Variants in ABCG8 observed in about 807,000 individuals in gnomAD.
ABCG8 encodes the protein ATP binding cassette subfamily G member 8.
Under a neutral mutation model 71.3 loss-of-function variants are expected in ABCG8, and 81 were observed. The observed-to-expected ratio is 1.14, with a 90% CI of 0.95 to 1.37. The LOEUF is 1.37. Among genes scored for constraint, ABCG8 ranks in the 40% most tolerant of loss-of-function variants. The pLI is 0.00. For synonymous variants in ABCG8, 451 were observed against 354.7 expected (o/e 1.27, Z -3.05); for missense variants, 1,119 against 866.2 (o/e 1.29, Z -3.66).
intron 10 of ABCG8, 100 bp downstream of exon 10, chr2:43,874,583 G>T: frequency 1.0e-6 from 1 of 981,700 alleles, no homozygotes; most frequent in Non-Finnish European, 1.7e-6. Context: ...GAACCATGGG[G>T]CCGTGGGTCA....
intron 3 of ABCG8, among the ~76,000 whole-genome samples, chr2:43,849,742 T>G (rs1022919865): frequency 1.3e-5 from 2 of 152,188 alleles, no homozygotes; most frequent in African/African-American, 4.8e-5. Flanking sequence ...GCTCTGAAGC[T>G]TCTCTCCCAG....
At position 43,882,336 on chromosome 2, in the gene ABCG8, A is replaced by G. The variant is rs1670155015; in HGVS notation, c.*4423A>G. The G allele has an allele frequency of 6.6e-6, 1 of 152,228 alleles. No individual in the cohort carries two copies. The highest frequency in any genetic ancestry group is 2.1e-4 in the South Asian group (1 of 4,832). 9.4% of individuals were successfully genotyped at this position (152,228 alleles called of 1,614,324 possible). On this transcript the variant is annotated 3_prime_UTR_variant, in exon 13 of 13. Transcript: ENST00000272286. ...TCAAATCTGTCAAATCCAAGTGTTA[A>G]CAGACCTGGGACCAGGGGTTCCTCA...
At position 43,881,894 on chromosome 2, in the gene ABCG8, ATTAC is replaced by A. The variant is rs1021621290; in HGVS notation, c.*3985_*3988del. 2.6e-5 allele frequency: 4 copies of A among 152,158 alleles called. No homozygotes were observed. Among genetic ancestry groups the A allele is most frequent in the Non-Finnish European group, 5.9e-5 (4 of 68,026 alleles). The allele number at this position is 152,158 out of a possible 1,614,324, so 9.4% of individuals were successfully genotyped here. A position where few individuals can be genotyped will look rare whatever the true frequency, so the allele number is the denominator to read the frequency against. On this transcript the variant is annotated 3_prime_UTR_variant, in exon 13 of 13. Transcript: ENST00000272286. The stretch of plus-strand genomic sequence containing the variant: ...CGTGGGCCTTATAGGCTCTGCTGCA[ATTAC>A]TTAACTCTGCTGTTACAGTGTGAGA...
rs369164911 is a variant in ABCG8 at position 43,880,173 on chromosome 2, G to GTTTTTTTTTTT, written c.*2264_*2265insTTTTTTTTTTT. On this transcript the variant is annotated 3_prime_UTR_variant, in exon 13 of 13. Coordinates refer to ENST00000272286, the MANE Select transcript of ABCG8 (RefSeq NM_022437.3). ...ACCAAGAGTTTCAGGCTCATTTTTTGTTTTGTTTTTTTTTTTTTGAGACAG... is the reference window on the plus strand; with the variant it reads ...ACCAAGAGTTTCAGGCTCATTTTTTGTTTTTTTTTTTTTTTGTTTTTTTTTTTTTGAGACAG... 1.2e-5 allele frequency: 1 copy of GTTTTTTTTTTT among 86,054 alleles called. No individual in the cohort carries two copies. The allele number at this position is 86,054 out of a possible 1,614,324, so 5.3% of individuals were successfully genotyped here.
Position 43,881,805 on chromosome 2 carries a change from A to C in ABCG8, c.*3892A>C, listed in dbSNP as rs968513033. 1 of 152,004 alleles carries C rather than the reference A, an allele frequency of 6.6e-6. No individual in the cohort carries two copies. The highest frequency in any genetic ancestry group is 6.5e-5 in the Admixed American group (1 of 15,272). The allele number at this position is 152,004 out of a possible 1,614,324, so 9.4% of individuals were successfully genotyped here. ...AAGGGTAGAGATTTGTTTATTTGTC[A>C]GTATTGAAAGCATGGCTTGCAAAGT... On this transcript the variant is annotated 3_prime_UTR_variant, in exon 13 of 13. Coordinates refer to ENST00000272286, the MANE Select transcript of ABCG8 (RefSeq NM_022437.3).
intron 9 of ABCG8, 98 bp from the exon 10 acceptor site, chr2:43,874,309 G>T: frequency 9.2e-7 from 1 of 1,084,252 alleles, no homozygotes; most frequent in Non-Finnish European, 1.4e-6. Flanking sequence ...TGGGCAATAT[G>T]ATAACTACTT....
At chr2:43,854,892 G>T (rs916383493) in intron 6 of ABCG8, among the ~76,000 whole-genome samples, 1 of 152,126 alleles carries the variant, frequency 6.6e-6, no homozygotes, top group Non-Finnish European at 1.5e-5. Context: ...CTCCCTACAG[G>T]TTAGCATCCC....
chr2:43,852,484 C>A lies in ABCG8; in HGVS notation c.692C>A (p.Pro231Gln). 2 of 1,613,528 alleles carry A rather than the reference C, an allele frequency of 1.2e-6. No homozygotes were observed. Among genetic ancestry groups the A allele is most frequent in the Middle Eastern group, 1.7e-4 (1 of 5,722 alleles). The change falls in exon 5 of 13, where the codon CCA becomes CAA. Residue 231 changes from proline (P) to glutamine (Q), a missense_variant and splice_region_variant. Physicochemically the swap from Pro to Gln is moderately conservative, Grantham distance 76 (BLOSUM62 -1). Coordinates refer to ENST00000272286, the MANE Select transcript of ABCG8 (RefSeq NM_022437.3). ...ATTGGGGTGCAGCTCCTGTGGAACC[C>A]AGGTGAGGGCCTGGGGGGCAGATGG... ...VSIGVQLLWN[P>Q]GILILDEPTS...
chr2:43,874,543 AG>A, intron 10 of ABCG8, 60 bp downstream of exon 10: 2 of 1,407,206 alleles, frequency 1.4e-6, no homozygotes, highest in Non-Finnish European at 2.0e-6. Flanking sequence ...GTAAGTGTGG[AG>A]AAAACGTTGC....
rs562893479 is a variant in ABCG8 at position 43,881,301 on chromosome 2, G to C, written c.*3388G>C. On this transcript the variant is annotated 3_prime_UTR_variant, in exon 13 of 13. Coordinates refer to ENST00000272286, the MANE Select transcript of ABCG8 (RefSeq NM_022437.3). ...ACAGCGGTGGTTCTCCACCCTGGTT[G>C]CCCATGCTGGAGCTTTAACAAAAGC... 6.6e-6 allele frequency: 1 copy of C among 152,226 alleles called. No homozygotes were observed. The highest frequency in any genetic ancestry group is 1.5e-5 in the Non-Finnish European group (1 of 68,054). 9.4% of individuals were successfully genotyped at this position (152,226 alleles called of 1,614,324 possible).
At position 43,879,188 on chromosome 2, in the gene ABCG8, C is replaced by T. The variant is rs1008937968; in HGVS notation, c.*1275C>T. The T allele has an allele frequency of 2.0e-5, 3 of 152,472 alleles. No homozygotes were observed. Among genetic ancestry groups the T allele is most frequent in the Non-Finnish European group, 4.4e-5 (3 of 68,286 alleles). 9.4% of individuals were successfully genotyped at this position (152,472 alleles called of 1,614,324 possible). A position where few individuals can be genotyped will look rare whatever the true frequency, so the allele number is the denominator to read the frequency against. On this transcript the variant is annotated 3_prime_UTR_variant, in exon 13 of 13. Transcript: ENST00000272286. ...TGGCCAGAGGATGGGGAGGCAGAGG[C>T]CCAGGTTGCACACTTCTTGCCTGAG... is the stretch of plus-strand genomic sequence containing the variant.
chr2:43,871,630 G>C (rs1669777596), intron 6 of ABCG8, among the ~76,000 whole-genome samples: 2 of 152,232 alleles, frequency 1.3e-5, no homozygotes, highest in African/African-American at 4.8e-5. Flanking sequence ...TGACTGTCAT[G>C]TGGCCCTTGG....
At chr2:43,845,624 CCTTA>C (rs933104038) in intron 2 of ABCG8, among the ~76,000 whole-genome samples, 4 of 151,672 alleles carry the variant, frequency 2.6e-5, no homozygotes, top group African/African-American at 9.7e-5. Flanking sequence ...TTTCTTTTTT[CCTTA>C]CTTTTTTTTT....
chr2:43,866,544 T>G (rs1012363854), intron 6 of ABCG8, among the ~76,000 whole-genome samples: 82 of 151,948 alleles, frequency 5.4e-4, no homozygotes, highest in Non-Finnish European at 1.0e-3. Context: ...AGGACATGAA[T>G]AGACACTTCT....
chr2:43,857,670 A>G (rs1189377522), intron 6 of ABCG8, among the ~76,000 whole-genome samples: 1 of 151,608 alleles, frequency 6.6e-6, no homozygotes, highest in Non-Finnish European at 1.5e-5. Flanking sequence ...TACTCTCTGG[A>G]CAAAACTCTC....
Position 43,875,203 on chromosome 2 carries a change from T to A in ABCG8, c.1546T>A (p.Tyr516Asn). 6.2e-7 allele frequency: 1 copy of A among 1,614,248 alleles called. No homozygotes were observed. The highest frequency in any genetic ancestry group is 8.5e-7 in the Non-Finnish European group (1 of 1,180,042). The change falls in exon 11 of 13, where the codon TAC (tyrosine) becomes AAC (asparagine). Residue 516 changes from tyrosine (Y) to asparagine (N), a missense_variant. Tyr to Asn is a moderately radical substitution (Grantham distance 143). Coordinates refer to ENST00000272286, the MANE Select transcript of ABCG8 (RefSeq NM_022437.3). Reference sequence around the variant, plus strand: ...CATCATCATCTACGGGATGCCCACCTACTGGCTGGCCAACCTGAGGCCAGG... The same window carrying A: ...CATCATCATCTACGGGATGCCCACCAACTGGCTGGCCAACCTGAGGCCAGG... Reference protein sequence around the residue: ...AYIIIYGMPTYWLANLRPGLQ... With the variant: ...AYIIIYGMPTNWLANLRPGLQ...
chr2:43,842,451 G>A (rs1195077920), intron 1 of ABCG8, among the ~76,000 whole-genome samples: 2 of 152,156 alleles, frequency 1.3e-5, no homozygotes, highest in South Asian at 2.1e-4. Flanking sequence ...GCATCTGTCC[G>A]AGCTGCTTTC....
At chr2:43,864,699 G>A (rs1669458587) in intron 6 of ABCG8, among the ~76,000 whole-genome samples, 1 of 151,224 alleles carries the variant, frequency 6.6e-6, no homozygotes, top group Non-Finnish European at 1.5e-5. Context: ...TATCTATCTG[G>A]ATAGAATTCC....
At chr2:43,875,814 G>C (rs554481267) in intron 11 of ABCG8, among the ~76,000 whole-genome samples, 52 of 151,890 alleles carry the variant, frequency 3.4e-4, no homozygotes, top group African/African-American at 1.2e-3. Context: ...TCTCGACTCA[G>C]CCACGCAGAG....
Sources: gnomAD v4.1 joint callset for allele counts (sites outside exome capture counted in the v4.1 genomes callset) on GRCh38, gnomAD v4.1.1 for gene constraint, MANE v1.5 for transcripts, NCBI Gene and HGNC (gene_info 2026-07-23, HGNC 2026-07-21) for gene names.